The following PLEKHH2 variants were observed in gnomAD, a reference collection of about 807,000 sequenced individuals.
The protein encoded by PLEKHH2 is pleckstrin homology, MyTH4 and FERM domain containing H2, also known as pleckstrin homology domain-containing family H member 2.
Under a neutral mutation model 187.9 loss-of-function variants are expected in PLEKHH2, and 129 were observed. The ratio of observed to expected loss-of-function variants is 0.69; its 90% CI spans 0.59 to 0.79. The LOEUF (loss-of-function observed/expected upper bound fraction) is 0.79, where lower values mean the gene tolerates loss of function less well. PLEKHH2 is among the 30% of genes least tolerant of loss of function. PLEKHH2 has a pLI of 0.00. For synonymous variants in PLEKHH2, 686 were observed against 605.6 expected, an observed-to-expected ratio of 1.13 and a Z score of -1.95; for missense variants, 2,076 against 1,751.2, an observed-to-expected ratio of 1.19 and a Z score of -3.31.
chr2:43,696,557 C>G (rs1280631951), intron 6 of PLEKHH2, among the ~76,000 whole-genome samples: 1 of 151,222 alleles, frequency 6.6e-6, no homozygotes, highest in African/African-American at 2.4e-5. Context: ...CACTTCACTA[C>G]CTGTATAAAT....
At chr2:43,644,198 C>T (rs919740554) in intron 1 of PLEKHH2, among the ~76,000 whole-genome samples, 26 of 152,098 alleles carry the variant, frequency 1.7e-4, no homozygotes, top group African/African-American at 6.3e-4. Context: ...AACTGTAATA[C>T]TTCCTTAAAT....
intron 1 of PLEKHH2, among the ~76,000 whole-genome samples, chr2:43,644,173 G>T (rs989227521): frequency 2.0e-5 from 3 of 152,120 alleles, no homozygotes; most frequent in African/African-American, 7.2e-5. Flanking sequence ...ACCGTGAATT[G>T]TAGCAATTGA....
chr2:43,738,910 A>G (rs1282790742), intron 20 of PLEKHH2, among the ~76,000 whole-genome samples: 1 of 152,180 alleles, frequency 6.6e-6, no homozygotes, highest in Non-Finnish European at 1.5e-5. Flanking sequence ...AACCTAAATG[A>G]GATGGAGTTT....
At chr2:43,690,971 G>C (rs1463077919) in intron 3 of PLEKHH2, among the ~76,000 whole-genome samples, 1 of 152,174 alleles carries the variant, frequency 6.6e-6, no homozygotes, top group Non-Finnish European at 1.5e-5. Context: ...ATCCATGTAG[G>C]TTGGCAAACA....
chr2:43,674,180 CTA>C (rs1667616592), intron 2 of PLEKHH2, among the ~76,000 whole-genome samples: 10 of 152,108 alleles, frequency 6.6e-5, no homozygotes, highest in Admixed American at 6.5e-4. Flanking sequence ...TCACTAGAAA[CTA>C]TACATTTGAG....
chr2:43,650,894 C>G (rs374586494), intron 2 of PLEKHH2, among the ~76,000 whole-genome samples: 3 of 151,978 alleles, frequency 2.0e-5, no homozygotes, highest in East Asian at 1.9e-4. Flanking sequence ...ATCTGCCCAC[C>G]TTGGGCTCCC....
At chr2:43,693,568 C>T (rs1027514165) in intron 4 of PLEKHH2, among the ~76,000 whole-genome samples, 1 of 151,612 alleles carries the variant, frequency 6.6e-6, no homozygotes, top group Non-Finnish European at 1.5e-5. Flanking sequence ...GCTAAAAGTA[C>T]AAAAAATTAG....
At chr2:43,722,496 G>A (rs981393240) in intron 16 of PLEKHH2, among the ~76,000 whole-genome samples, 19 of 152,184 alleles carry the variant, frequency 1.2e-4, no homozygotes, top group African/African-American at 3.9e-4. Context: ...ATCAGCCACC[G>A]TAGTCCCAGG....
chr2:43,658,264 A>G (rs1001926246), intron 2 of PLEKHH2, among the ~76,000 whole-genome samples: 3 of 152,096 alleles, frequency 2.0e-5, no homozygotes, highest in African/African-American at 7.2e-5. Context: ...AAATCTGGTA[A>G]TTTATATTTT....
intron 8 of PLEKHH2, 83 bp downstream of exon 8, chr2:43,700,691 C>G: frequency 6.7e-7 from 1 of 1,485,292 alleles, no homozygotes; most frequent in Non-Finnish European, 9.0e-7. Flanking sequence ...CTCGCTCTGT[C>G]GCCCAAGCTG....
chr2:43,694,477 C>T lies in PLEKHH2; in HGVS notation c.383C>T (p.Ala128Val), dbSNP rs777180328. The change falls in exon 5 of 30, where the codon GCT becomes GTT. Residue 128 changes from alanine (A) to valine (V), a missense_variant. Transcript: ENST00000282406. ...GCTAAAATAATAGAAGAGAAAGCAG[C>T]TAAGATAAAAGAATGGGTAACAGTT... Reference protein sequence around the residue: ...QEAKIIEEKAAKIKEWVTVKL... With the variant: ...QEAKIIEEKAVKIKEWVTVKL... 6 of 1,561,352 alleles carry T rather than the reference C, an allele frequency of 3.8e-6. No homozygotes were observed. The Admixed American group carries it at 1.1e-4, about 28-fold the overall frequency.
At chr2:43,644,945 G>T (rs2104327932) in intron 2 of PLEKHH2, 149 bp downstream of exon 2, 1 of 880,480 alleles carries the variant, frequency 1.1e-6, no homozygotes, top group East Asian at 3.1e-5. Flanking sequence ...GCCAGTGTTA[G>T]GGTAGATTGG....
At chr2:43,638,287 A>ACT in intron 1 of PLEKHH2, among the ~76,000 whole-genome samples, 1 of 137,042 alleles carries the variant, frequency 7.3e-6, no homozygotes, top group East Asian at 2.0e-4. Flanking sequence ...ACACACACAC[A>ACT]CTCACACACA....
chr2:43,688,761 T>A (rs1307786677), intron 3 of PLEKHH2, among the ~76,000 whole-genome samples: 1 of 152,160 alleles, frequency 6.6e-6, no homozygotes, highest in Non-Finnish European at 1.5e-5. Flanking sequence ...CCAGGAGAAA[T>A]CAGGTATGAG....
chr2:43,669,370 G>A (rs1233038049), intron 2 of PLEKHH2, among the ~76,000 whole-genome samples: 1 of 152,174 alleles, frequency 6.6e-6, no homozygotes, highest in Non-Finnish European at 1.5e-5. Flanking sequence ...TGATAGAAAT[G>A]TTCTGGAATT....
chr2:43,706,435 T>C lies in PLEKHH2; in HGVS notation c.1821+19T>C. 2 of 1,459,616 alleles carry C rather than the reference T, an allele frequency of 1.4e-6. No homozygotes were observed. Among genetic ancestry groups the C allele is most frequent in the Non-Finnish European group, 1.9e-6 (2 of 1,049,792 alleles). The allele number at this position is 1,459,616 out of a possible 1,614,324, so 90.4% of individuals were successfully genotyped here. ...GAAGGGGGTAACTCATTATTGTTAT[T>C]GTTAAAACATGTGCTTCTCTTCATG... On this transcript the variant is annotated intron_variant, in intron 10 of 29. Coordinates refer to ENST00000282406, the MANE Select transcript of PLEKHH2 (RefSeq NM_172069.4).
intron 9 of PLEKHH2, among the ~76,000 whole-genome samples, chr2:43,705,149 A>G (rs1382722029): frequency 6.8e-6 from 1 of 146,332 alleles, no homozygotes; most frequent in Admixed American, 6.9e-5. Flanking sequence ...TCTTTCTACC[A>G]CCTCCTCCCT....
intron 11 of PLEKHH2, 114 bp downstream of exon 11, chr2:43,707,659 T>A: frequency 4.8e-6 from 6 of 1,255,732 alleles, no homozygotes; most frequent in Non-Finnish European, 6.5e-6. Flanking sequence ...CTTCAGACCC[T>A]AGTGAAAAGA....
At chr2:43,705,987 T>C (rs896910182) in intron 9 of PLEKHH2, among the ~76,000 whole-genome samples, 2 of 152,152 alleles carry the variant, frequency 1.3e-5, no homozygotes, top group African/African-American at 4.8e-5. Flanking sequence ...GCTTACTGAA[T>C]TGGTTGGTAA....
Sources: allele counts gnomAD v4.1 joint callset (sites outside exome capture counted in the v4.1 genomes callset), GRCh38; gene constraint gnomAD v4.1.1; transcripts MANE v1.5; gene names NCBI Gene and HGNC (gene_info 2026-07-23, HGNC 2026-07-21).